The following PCDH15 variants were observed in gnomAD, a reference collection of about 807,000 sequenced individuals.
The protein encoded by PCDH15 is protocadherin related 15.
In PCDH15, 129 loss-of-function variants were observed where a neutral mutation model predicts 178.5. The observed-to-expected ratio is 0.72, with a 90% CI of 0.63 to 0.84. The LOEUF (loss-of-function observed/expected upper bound fraction) is 0.84, where lower values mean the gene tolerates loss of function less well. Ranked by LOEUF, PCDH15 falls within the 40% of genes least tolerant of loss-of-function variation. The probability of loss-of-function intolerance (pLI) is 0.00; values close to 1 mark genes in which losing one functional copy is unlikely to be tolerated. For synonymous variants in PCDH15, 800 were observed against 732.0 expected, an observed-to-expected ratio of 1.09 and a Z score of -1.50; for missense variants, 2,230 against 2,099.9, an observed-to-expected ratio of 1.06 and a Z score of -1.21.
intron 1 of PCDH15, among the ~76,000 whole-genome samples, chr10:55,291,050 T>C (rs1382096281): frequency 6.6e-6 from 1 of 152,180 alleles, no homozygotes; most frequent in African/African-American, 2.4e-5. Flanking sequence ...GTGTTTATAA[T>C]GACATTCTTA....
intron 2 of PCDH15, among the ~76,000 whole-genome samples, chr10:55,029,044 A>G (rs1434163778): frequency 6.6e-6 from 1 of 152,018 alleles, no homozygotes; most frequent in Non-Finnish European, 1.5e-5. Flanking sequence ...GCATTGTACC[A>G]ATAAGGAGAG....
rs192956063 is a variant in PCDH15 at position 54,299,949 on chromosome 10, T to C, written c.876+17322A>G. Among the ~76,000 whole-genome samples the C allele has an allele frequency of 4.6e-5, 7 of 152,280 alleles. No homozygotes were observed. In the East Asian group the frequency reaches 1.4e-3, roughly 29 times the overall value. On this transcript the variant is annotated intron_variant, in intron 8 of 37. Coordinates refer to ENST00000644397, the MANE Select transcript of PCDH15 (RefSeq NM_001384140.1). ...AAACTTACAAGGCTTTCAACTAAAG[T>C]TTGCTAAAAGTTAACAGTGTAATAT... is the stretch of plus-strand genomic sequence containing the variant.
chr10:55,313,172 C>T (rs1843633227), intron 1 of PCDH15, among the ~76,000 whole-genome samples: 2 of 151,974 alleles, frequency 1.3e-5, no homozygotes. Flanking sequence ...ACTACTCATA[C>T]ATATATATTC....
intron 2 of PCDH15, among the ~76,000 whole-genome samples, chr10:54,928,191 T>G (rs1837679569): frequency 6.6e-6 from 1 of 152,192 alleles, no homozygotes; most frequent in Admixed American, 6.5e-5. Flanking sequence ...CCTTCACTTA[T>G]GAAGCTTAGT....
chr10:54,120,883 A>G (rs1236728534), intron 15 of PCDH15, among the ~76,000 whole-genome samples: 1 of 152,144 alleles, frequency 6.6e-6, no homozygotes, highest in Non-Finnish European at 1.5e-5. Flanking sequence ...ACAGATTGTC[A>G]AGGCAGAAAA....
upstream of PCDH15, among the ~76,000 whole-genome samples, chr10:54,805,534 T>C (rs918761253): frequency 1.4e-4 from 21 of 152,200 alleles, no homozygotes; most frequent in Admixed American, 4.6e-4. Context: ...TTGTTTTTTA[T>C]TCTGACACCC....
chr10:54,529,838 C>T (rs1467302292), intron 2 of PCDH15, among the ~76,000 whole-genome samples: 1 of 151,910 alleles, frequency 6.6e-6, no homozygotes, highest in Non-Finnish European at 1.5e-5. Flanking sequence ...TTATTATGTA[C>T]ATAGAAATGA....
intron 1 of PCDH15, among the ~76,000 whole-genome samples, chr10:54,716,594 T>A (rs1422574750): frequency 6.6e-6 from 1 of 152,072 alleles, no homozygotes; most frequent in African/African-American, 2.4e-5. Flanking sequence ...TGCTTGTGAT[T>A]TTTGTACATT....
intron 3 of PCDH15, among the ~76,000 whole-genome samples, chr10:54,496,565 T>C (rs2080134091): frequency 6.6e-6 from 1 of 152,138 alleles, no homozygotes; most frequent in South Asian, 2.1e-4. Context: ...CAAACCTTTA[T>C]TTGATAAAGC....
chr10:54,853,908 G>T (rs1953688742), intron 3 of PCDH15, among the ~76,000 whole-genome samples: 1 of 152,124 alleles, frequency 6.6e-6, no homozygotes, highest in Non-Finnish European at 1.5e-5. Flanking sequence ...AACCTCTGTG[G>T]CTGGATGTGC....
Position 55,516,674 on chromosome 10 carries a change from G to A in PCDH15, c.-156+110951C>T, listed in dbSNP as rs144709718. ...TCCATAAATTTTAGAATCAATTGGC[G>A]AGAAGAAGGATCATAGGTAATAAGT... On this transcript the variant is annotated intron_variant, in intron 2 of 5. Transcript: ENST00000613346. Among the ~76,000 whole-genome samples, 229 of 152,174 alleles carry A rather than the reference G, an allele frequency of 1.5e-3. 1 individual carries two copies. The highest frequency in any genetic ancestry group is 4.9e-3 in the African/African-American group (203 of 41,516).
At chr10:54,499,480 C>A (rs1039708574) in intron 3 of PCDH15, among the ~76,000 whole-genome samples, 8 of 152,028 alleles carry the variant, frequency 5.3e-5, no homozygotes, top group East Asian at 3.9e-4. Flanking sequence ...CCCTCTCAGA[C>A]AATAGTGCAA....
intron 18 of PCDH15, among the ~76,000 whole-genome samples, chr10:54,039,062 G>GT (rs924808433): frequency 2.6e-5 from 4 of 151,388 alleles, no homozygotes; most frequent in Non-Finnish European, 5.9e-5. Context: ...TGAACTTTAG[G>GT]TTTTTTCTTT....
intron 21 of PCDH15, among the ~76,000 whole-genome samples, chr10:53,973,171 C>T (rs924647099): frequency 1.6e-4 from 25 of 151,732 alleles, no homozygotes; most frequent in African/African-American, 6.1e-4. Context: ...AACCATCATT[C>T]TGAGCAAAGT....
chr10:55,027,759 T>C (rs939977803), intron 2 of PCDH15, among the ~76,000 whole-genome samples: 2 of 151,886 alleles, frequency 1.3e-5, no homozygotes, highest in African/African-American at 2.4e-5. Context: ...ATAATTCTTG[T>C]TCAATTAGAT....
chr10:55,590,989 T>G (rs528114240), intron 2 of PCDH15, among the ~76,000 whole-genome samples: 1 of 152,206 alleles, frequency 6.6e-6, no homozygotes, highest in East Asian at 1.9e-4. Flanking sequence ...TAATATAATC[T>G]AACCCAATTA....
rs1448997203 is a variant in PCDH15, at chr10:54,923,331, C to A, written c.-79-25831G>T. 4.3e-5 allele frequency among the ~76,000 whole-genome samples: 6 copies of A among 138,736 alleles called. 1 individual carries two copies. The highest frequency in any genetic ancestry group is 2.3e-4 in the South Asian group (1 of 4,410). The allele number at this position is 138,736 out of a possible 152,430, so 91.0% of individuals were successfully genotyped here. ...GTATTGGGTGGGACTGGCATGAAGT[C>A]TCTGAAACACCATTGAAACATTTTC... On this transcript the variant is annotated intron_variant, in intron 2 of 5. Transcript: ENST00000458638.
intron 3 of PCDH15, among the ~76,000 whole-genome samples, chr10:54,827,091 T>A (rs922230361): frequency 1.3e-5 from 2 of 152,060 alleles, no homozygotes; most frequent in African/African-American, 4.8e-5. Flanking sequence ...TTGTAGGGAA[T>A]GGAGGCCAGG....
At chr10:55,602,358 G>T (rs570862762) in intron 2 of PCDH15, among the ~76,000 whole-genome samples, 6 of 152,216 alleles carry the variant, frequency 3.9e-5, no homozygotes, top group African/African-American at 1.4e-4. Flanking sequence ...AAAAGCGGCT[G>T]GGAAGCTCGA....
Sources: gnomAD v4.1 joint callset for allele counts (sites outside exome capture counted in the v4.1 genomes callset) on GRCh38, gnomAD v4.1.1 for gene constraint, MANE v1.5 for transcripts, NCBI Gene and HGNC (gene_info 2026-07-23, HGNC 2026-07-21) for gene names.